SPOCK3: variants seen among roughly 807,000 people sequenced by gnomAD.
SPOCK3 encodes the protein SPARC (osteonectin), cwcv and kazal like domains proteoglycan 3.
A neutral mutation model predicts 56.6 loss-of-function variants in SPOCK3; 30 were observed. The observed-to-expected ratio is 0.53, with a 90% CI of 0.40 to 0.72. The LOEUF (loss-of-function observed/expected upper bound fraction) is 0.72, where lower values mean the gene tolerates loss of function less well. SPOCK3 is among the 30% of genes least tolerant of loss of function. The pLI is 0.00. For missense variants in SPOCK3, 527 were observed against 530.0 expected (o/e 0.99, Z 0.06); for synonymous variants, 196 against 183.3 (o/e 1.07, Z -0.56).
chr4:166,743,918 C>A (rs534191576), intron 8 of SPOCK3, among the ~76,000 whole-genome samples: 3 of 152,246 alleles, frequency 2.0e-5, no homozygotes, highest in South Asian at 2.1e-4. Context: ...GGGGGTCCAC[C>A]TTTGCTAAGG....
intron 4 of SPOCK3, among the ~76,000 whole-genome samples, chr4:166,962,847 ACT>A (rs1436676058): frequency 1.3e-5 from 2 of 152,104 alleles, no homozygotes; most frequent in Non-Finnish European, 2.9e-5. Flanking sequence ...ACTTCATCAG[ACT>A]CTAATAATCC....
intron 6 of SPOCK3, among the ~76,000 whole-genome samples, chr4:166,804,478 T>C (rs28576203): frequency 0.015 from 2,279 of 152,226 alleles, 68 homozygotes; most frequent in African/African-American, 0.051. Context: ...ATTCAGGCCA[T>C]AACAGTAGAC....
At chr4:167,113,914 G>A (rs995060558) in intron 2 of SPOCK3, among the ~76,000 whole-genome samples, 2 of 152,246 alleles carry the variant, frequency 1.3e-5, no homozygotes, top group Non-Finnish European at 1.5e-5. Context: ...AGCCATTCAG[G>A]AAGGGAGTGT....
At chr4:167,102,012 T>C (rs1309971329) in intron 2 of SPOCK3, among the ~76,000 whole-genome samples, 1 of 152,028 alleles carries the variant, frequency 6.6e-6, no homozygotes, top group East Asian at 1.9e-4. Context: ...TACTTTTTTT[T>C]TTCTTTTCAT....
chr4:167,109,379 TA>T (rs1561225213), intron 2 of SPOCK3, among the ~76,000 whole-genome samples: 2 of 25,906 alleles, frequency 7.7e-5, no homozygotes, highest in African/African-American at 1.0e-4. Flanking sequence ...TATATTTATA[TA>T]AAATATATAA....
chr4:167,007,295 T>C (rs1045111693), intron 3 of SPOCK3, among the ~76,000 whole-genome samples: 1 of 151,800 alleles, frequency 6.6e-6, no homozygotes, highest in Non-Finnish European at 1.5e-5. Flanking sequence ...TATAAAATGG[T>C]GTAGTAGTTC....
Position 166,862,108 on chromosome 4 carries a change from T to C in SPOCK3, c.589+27022A>G, listed in dbSNP as rs573871595. Among the ~76,000 whole-genome samples, 17 of 152,250 alleles carry C rather than the reference T, an allele frequency of 1.1e-4. 1 individual carries two copies. Among genetic ancestry groups the C allele is most frequent in the African/African-American group, 3.8e-4 (16 of 41,566 alleles). ...GTATTTTTTAGCACAGCAATTTAAA[T>C]GATGCTTAAGTGTGTATAAATTCAG... is the stretch of plus-strand genomic sequence containing the variant. On this transcript the variant is annotated intron_variant, in intron 6 of 10. Coordinates refer to ENST00000357545, the MANE Select transcript of SPOCK3 (RefSeq NM_001040159.2).
At chr4:167,066,383 G>A (rs1434165460) in intron 2 of SPOCK3, among the ~76,000 whole-genome samples, 2 of 151,834 alleles carry the variant, frequency 1.3e-5, no homozygotes, top group East Asian at 3.9e-4. Context: ...CAAAAGGGAA[G>A]TGTAACAAGT....
intron 3 of SPOCK3, among the ~76,000 whole-genome samples, chr4:167,016,750 A>G (rs992443934): frequency 1.3e-5 from 2 of 151,930 alleles, no homozygotes; most frequent in African/African-American, 4.8e-5. Flanking sequence ...CCATATTGGC[A>G]AGGCTGGTAT....
At chr4:166,975,273 A>C (rs1745819253) in intron 4 of SPOCK3, among the ~76,000 whole-genome samples, 1 of 152,210 alleles carries the variant, frequency 6.6e-6, no homozygotes. Context: ...AATATGTATA[A>C]TTTGGAATAT....
intron 4 of SPOCK3, among the ~76,000 whole-genome samples, chr4:166,979,803 T>C (rs1382268000): frequency 4.6e-5 from 7 of 152,240 alleles, no homozygotes; most frequent in Admixed American, 3.9e-4. Context: ...TATTGATGTG[T>C]TGAAATCTAT....
intron 6 of SPOCK3, among the ~76,000 whole-genome samples, chr4:166,812,807 TACAC>T (rs1474213783): frequency 6.6e-6 from 1 of 151,990 alleles, no homozygotes; most frequent in Non-Finnish European, 1.5e-5. Flanking sequence ...AGTTCACACA[TACAC>T]ACATATACTC....
intron 2 of SPOCK3, among the ~76,000 whole-genome samples, chr4:167,171,913 C>A (rs1730535199): frequency 6.6e-6 from 1 of 150,682 alleles, no homozygotes; most frequent in African/African-American, 2.4e-5. Context: ...ACCCCCCACT[C>A]CCCCCATAAT....
chr4:166,886,726 T>C (rs1734234871), intron 6 of SPOCK3, among the ~76,000 whole-genome samples: 1 of 152,158 alleles, frequency 6.6e-6, no homozygotes. Context: ...TTGTTGGTAG[T>C]TTATTCCTCA....
At position 166,737,577 on chromosome 4, in the gene SPOCK3, T is replaced by C. The variant is rs778975727; in HGVS notation, c.1022A>G (p.Asp341Gly). Residue 341 changes from aspartate (D) to glycine (G), a missense_variant, in exon 10 of 11, where the codon GAT becomes GGT. Physicochemically the swap from Asp to Gly is moderately conservative, Grantham distance 94. Coordinates refer to ENST00000357545, the MANE Select transcript of SPOCK3 (RefSeq NM_001040159.2). The part of the protein sequence containing the change: ...LGQYIPLCDE[D>G]GYYKPTQCHG... ...ACATTGTGTTGGCTTGTAGTAACCA[T>C]CTTCATCACACAGGGGGATATACTG... 16 of 1,612,774 alleles carry C rather than the reference T, an allele frequency of 9.9e-6. No individual in the cohort carries two copies. Among genetic ancestry groups the C allele is most frequent in the African/African-American group, 1.3e-5 (1 of 74,880 alleles).
At chr4:167,205,619 A>G (rs1734242721) in intron 2 of SPOCK3, among the ~76,000 whole-genome samples, 1 of 116,896 alleles carries the variant, frequency 8.6e-6, no homozygotes, top group Non-Finnish European at 1.7e-5. Flanking sequence ...TAAAATATCT[A>G]TATATATTTT....
intron 2 of SPOCK3, among the ~76,000 whole-genome samples, chr4:167,225,796 A>G (rs1217802316): frequency 6.6e-6 from 1 of 152,102 alleles, no homozygotes; most frequent in East Asian, 1.9e-4. Flanking sequence ...TCTAAAGAGT[A>G]AAGCCTGTAT....
chr4:166,866,502 G>A (rs560434793), intron 6 of SPOCK3, among the ~76,000 whole-genome samples: 1 of 152,194 alleles, frequency 6.6e-6, no homozygotes, highest in African/African-American at 2.4e-5. Context: ...GCAAACTTCA[G>A]AATGGGAGAA....
intron 2 of SPOCK3, among the ~76,000 whole-genome samples, chr4:167,213,213 T>C (rs1007886812): frequency 5.3e-5 from 8 of 152,220 alleles, no homozygotes; most frequent in South Asian, 4.1e-4. Context: ...GAAAATCAAC[T>C]TAATGTTTTA....
Sources: allele counts gnomAD v4.1 joint callset (sites outside exome capture counted in the v4.1 genomes callset), GRCh38; gene constraint gnomAD v4.1.1; transcripts MANE v1.5; gene names NCBI Gene and HGNC (gene_info 2026-07-23, HGNC 2026-07-21).